The following FAM13C variants were observed in gnomAD, a reference collection of about 807,000 sequenced individuals.
FAM13C encodes the protein protein FAM13C.
FAM13C carries 37 observed loss-of-function variants against 73.2 expected under a neutral mutation model. That is an observed-to-expected ratio of 0.51 (90% confidence interval 0.39 to 0.67). The LOEUF (loss-of-function observed/expected upper bound fraction) is 0.67. FAM13C is among the 30% of genes least tolerant of loss of function. The pLI, the probability that FAM13C is intolerant of heterozygous loss-of-function variation, is 0.00. For missense variants in FAM13C, 589 were observed against 715.6 expected (o/e 0.82, Z 2.02); for synonymous variants, 246 against 260.9 (o/e 0.94, Z 0.55).
At chr10:59,303,240 C>T (rs1021192136) in intron 4 of FAM13C, among the ~76,000 whole-genome samples, 2 of 152,156 alleles carry the variant, frequency 1.3e-5, no homozygotes, top group East Asian at 1.9e-4. Context: ...ATGTATGCAT[C>T]GGCTCAGCTC....
chr10:59,252,918 A>G lies in FAM13C; in HGVS notation c.1413T>C (p.Pro471=). 1 of 1,614,162 alleles carries G rather than the reference A, an allele frequency of 6.2e-7. No homozygotes were observed. Among genetic ancestry groups the G allele is most frequent in the Non-Finnish European group, 8.5e-7 (1 of 1,179,998 alleles). Residue 471 remains proline, a synonymous_variant, in exon 12 of 14, where the codon CCT becomes CCC. Coordinates refer to ENST00000618804, the MANE Select transcript of FAM13C (RefSeq NM_198215.4). ...PSLADPASHL[P]VGDHLTYSNE... is the part of the protein sequence containing the mutation. ...TAGAGTAGGTGAGGTGGTCACCAAC[A>G]GGAAGGTGAGATGCTGGATCTGCCA...
At chr10:59,252,117 TG>T (rs1421483210) in intron 12 of FAM13C, among the ~76,000 whole-genome samples, 2 of 152,150 alleles carry the variant, frequency 1.3e-5, no homozygotes, top group African/African-American at 4.8e-5. Flanking sequence ...GCAAAACCCT[TG>T]TGAATGAAAA....
In FAM13C at chr10:59,264,074, C is replaced by G; in HGVS notation, c.1024+11G>C. On this transcript the variant is annotated intron_variant, in intron 9 of 13. Coordinates refer to ENST00000618804, the MANE Select transcript of FAM13C (RefSeq NM_198215.4). The stretch of plus-strand genomic sequence containing the variant: ...CTTTGTGAGGAAAAAAGATCTTTGG[C>G]TGGGATTTACCTTTGAGCTGTTTAC... The G allele has an allele frequency of 6.2e-7, 1 of 1,611,816 alleles. No individual in the cohort carries two copies. The highest frequency in any genetic ancestry group is 1.1e-5 in the South Asian group (1 of 91,028).
chr10:59,312,297 G>T (rs148749765), intron 4 of FAM13C, among the ~76,000 whole-genome samples: 1 of 152,126 alleles, frequency 6.6e-6, no homozygotes, highest in African/African-American at 2.4e-5. Flanking sequence ...GGGGATTTGA[G>T]TAGGCATTAA....
chr10:59,249,650 C>T (rs186970572), intron 13 of FAM13C, among the ~76,000 whole-genome samples: 1 of 152,238 alleles, frequency 6.6e-6, no homozygotes, highest in East Asian at 1.9e-4. Flanking sequence ...GTTATTTTAA[C>T]TTATGGATGC....
chr10:59,293,523 A>C (rs1221576482), intron 5 of FAM13C, among the ~76,000 whole-genome samples: 1 of 152,174 alleles, frequency 6.6e-6, no homozygotes, highest in Non-Finnish European at 1.5e-5. Flanking sequence ...ATGACTGGAT[A>C]ATATTCCATT....
intron 13 of FAM13C, among the ~76,000 whole-genome samples, chr10:59,248,461 A>C (rs1335760037): frequency 6.6e-6 from 1 of 152,196 alleles, no homozygotes; most frequent in Non-Finnish European, 1.5e-5. Context: ...TCAGGAGTTA[A>C]AACCATTTGC....
At chr10:59,323,805 T>C (rs1023703554) in intron 4 of FAM13C, among the ~76,000 whole-genome samples, 183 bp downstream of exon 4, 1 of 152,140 alleles carries the variant, frequency 6.6e-6, no homozygotes, top group Non-Finnish European at 1.5e-5. Context: ...AGTAGGTCAT[T>C]TACATTTATC....
intron 3 of FAM13C, among the ~76,000 whole-genome samples, chr10:59,344,143 T>C (rs982042935): frequency 1.5e-4 from 22 of 150,572 alleles, no homozygotes; most frequent in Non-Finnish European, 1.0e-4. Context: ...TTTGTGTTTT[T>C]AGTAGAGATG....
chr10:59,247,750 AAT>A lies in FAM13C; in HGVS notation c.1635-15_1635-14del, dbSNP rs1564468001. 6.2e-7 allele frequency: 1 copy of A among 1,606,090 alleles called. No homozygotes were observed. Among genetic ancestry groups the A allele is most frequent in the Non-Finnish European group, 8.5e-7 (1 of 1,176,298 alleles). The stretch of plus-strand genomic sequence containing the variant: ...CTTTTGTGGACTTCTGCAAAACAAA[AAT>A]ACATTTGTTAGTTCACAATGAATCA... On this transcript the variant is annotated splice_polypyrimidine_tract_variant and intron_variant, in intron 13 of 13. Coordinates refer to ENST00000618804, the MANE Select transcript of FAM13C (RefSeq NM_198215.4).
chr10:59,306,363 CTG>C (rs1289107665), intron 4 of FAM13C, among the ~76,000 whole-genome samples: 3 of 152,216 alleles, frequency 2.0e-5, no homozygotes, highest in Non-Finnish European at 2.9e-5. Flanking sequence ...AGTTTGAGAA[CTG>C]TAGTCTAGAG....
intron 3 of FAM13C, among the ~76,000 whole-genome samples, chr10:59,328,503 A>T (rs1391578752): frequency 6.6e-6 from 1 of 152,178 alleles, no homozygotes; most frequent in African/African-American, 2.4e-5. Flanking sequence ...AAAACAAAAC[A>T]AAACAAAACA....
intron 4 of FAM13C, among the ~76,000 whole-genome samples, chr10:59,319,409 G>A (rs1255405707): frequency 6.6e-6 from 1 of 152,058 alleles, no homozygotes; most frequent in South Asian, 2.1e-4. Context: ...ACACAGACAA[G>A]GTCTTTAACA....
chr10:59,303,088 G>A (rs1187865577), intron 4 of FAM13C, among the ~76,000 whole-genome samples: 2 of 152,090 alleles, frequency 1.3e-5, no homozygotes, highest in East Asian at 3.9e-4. Flanking sequence ...TCTCACCCTT[G>A]TTCACCACAC....
chr10:59,351,467 T>C (rs911625415), intron 3 of FAM13C, among the ~76,000 whole-genome samples: 1 of 152,214 alleles, frequency 6.6e-6, no homozygotes, highest in African/African-American at 2.4e-5. Flanking sequence ...GTTTCCTTTA[T>C]TCATTTAAAT....
Position 59,354,865 on chromosome 10 carries a change from AG to A in FAM13C, c.119+1021del, listed in dbSNP as rs369949893. On this transcript the variant is annotated intron_variant, in intron 2 of 13. Transcript: ENST00000618804. ...TACTTCCTCACTCCACCAGGTTCCCAGGGTTCCTACCATCCTGAACCACTTG... is the reference window on the plus strand; with the variant it reads ...TACTTCCTCACTCCACCAGGTTCCCAGGTTCCTACCATCCTGAACCACTTG... Among the ~76,000 whole-genome samples the A allele has an allele frequency of 8.5e-5, 13 of 152,118 alleles. 1 individual carries two copies. In the East Asian group the frequency reaches 1.6e-3, roughly 18 times the overall value.
chr10:59,324,946 T>C (rs1282573050), intron 3 of FAM13C, among the ~76,000 whole-genome samples: 2 of 152,196 alleles, frequency 1.3e-5, no homozygotes, highest in Non-Finnish European at 2.9e-5. Flanking sequence ...AAGACATGCA[T>C]ACATAGCAAA....
At chr10:59,293,069 C>CTTTTTTTTTTTTT (rs148715812) in intron 5 of FAM13C, among the ~76,000 whole-genome samples, 4 of 109,538 alleles carry the variant, frequency 3.7e-5, no homozygotes, top group African/African-American at 7.9e-5. Context: ...TTTTCTTTTT[C>CTTTTTTTTTTTTT]TTTTTTTTTT....
At chr10:59,323,603 G>A (rs143307340) in intron 4 of FAM13C, 29 of 235,874 alleles carry the variant, frequency 1.2e-4, no homozygotes, top group Non-Finnish European at 1.8e-4. Flanking sequence ...GAGAGACTAC[G>A]TAAAAATCAG....
Sources: gnomAD v4.1 joint callset for allele counts (sites outside exome capture counted in the v4.1 genomes callset) on GRCh38, gnomAD v4.1.1 for gene constraint, MANE v1.5 for transcripts, NCBI Gene and HGNC (gene_info 2026-07-23, HGNC 2026-07-21) for gene names.